Variants in VEPH1 observed in about 807,000 individuals in gnomAD.
VEPH1 encodes ventricular zone expressed PH domain containing 1, also known as ventricular zone-expressed PH domain-containing protein homolog 1.
Under a neutral mutation model 85.2 loss-of-function variants are expected in VEPH1, and 80 were observed. The ratio of observed to expected loss-of-function variants is 0.94; its 90% CI spans 0.78 to 1.13. The LOEUF is 1.13. Ranked by LOEUF, VEPH1 falls within the 50% of genes most tolerant of loss-of-function variation. VEPH1 has a pLI of 0.00. For missense variants in VEPH1, 955 were observed against 980.5 expected (o/e 0.97, Z 0.35); for synonymous variants, 297 against 348.0 (o/e 0.85, Z 1.63).
At chr3:157,439,544 G>T (rs1220339391) in intron 4 of VEPH1, among the ~76,000 whole-genome samples, 1 of 152,056 alleles carries the variant, frequency 6.6e-6, no homozygotes, top group Non-Finnish European at 1.5e-5. Context: ...TCGTTTTTGG[G>T]TATCCCTGGT....
Position 157,413,980 on chromosome 3 carries a change from C to G in VEPH1, c.807G>C (p.Leu269Phe), listed in dbSNP as rs1397273687. 4 of 1,613,578 alleles carry G rather than the reference C, an allele frequency of 2.5e-6. No homozygotes were observed. The African/African-American group carries it at 5.3e-5, about 22-fold the overall frequency. The stretch of plus-strand genomic sequence containing the variant: ...CTTTCAGCATTGGAAGAAAACTGTT[C>G]AAAGCCACTGGCTCATAGACTGCTA... ...IEIAVYEPVA[L>F]NSFLPMLKEI... The change falls in exon 6 of 14, where the codon TTG becomes TTC. Residue 269 changes from leucine to phenylalanine, a missense_variant. Physicochemically the swap from Leu to Phe is conservative, Grantham distance 22. Transcript: ENST00000362010.
chr3:157,458,944 T>A (rs1035934804), intron 4 of VEPH1, among the ~76,000 whole-genome samples: 4 of 152,202 alleles, frequency 2.6e-5, no homozygotes, highest in African/African-American at 9.7e-5. Context: ...GGTGTGCAGC[T>A]TTATTTCTGG....
intron 5 of VEPH1, among the ~76,000 whole-genome samples, chr3:157,425,779 GT>G (rs1364092953): frequency 6.6e-6 from 1 of 152,192 alleles, no homozygotes; most frequent in East Asian, 1.9e-4. Context: ...GGCATGGTTG[GT>G]TTTGAAATGT....
chr3:157,261,063 C>A lies in VEPH1; in HGVS notation c.*71G>T. The A allele has an allele frequency of 1.3e-6, 2 of 1,564,924 alleles. No homozygotes were observed. The highest frequency in any genetic ancestry group is 8.7e-7 in the Non-Finnish European group (1 of 1,155,562). Reference sequence around the variant, plus strand: ...ACAACATGGCTTGGTAAATTTAGCTCTTTTTCTTGACATTGGCAATGATAA... The same window carrying A: ...ACAACATGGCTTGGTAAATTTAGCTATTTTTCTTGACATTGGCAATGATAA... On this transcript the variant is annotated 3_prime_UTR_variant, in exon 14 of 14. Coordinates refer to ENST00000362010, the MANE Select transcript of VEPH1 (RefSeq NM_001167912.2).
intron 6 of VEPH1, among the ~76,000 whole-genome samples, chr3:157,394,589 G>T (rs538567899): frequency 6.6e-6 from 1 of 152,276 alleles, no homozygotes; most frequent in Non-Finnish European, 1.5e-5. Flanking sequence ...TCTGCAATCT[G>T]CTTCTGTGGG....
intron 6 of VEPH1, among the ~76,000 whole-genome samples, chr3:157,397,783 CCAAACCATTGG>C (rs1730526196): frequency 6.6e-6 from 1 of 152,192 alleles, no homozygotes; most frequent in South Asian, 2.1e-4. Context: ...GATCATCCAG[CCAAACCATTGG>C]CTACAGCCCA....
At chr3:157,364,109 C>A (rs777817910) in intron 8 of VEPH1, among the ~76,000 whole-genome samples, 194 bp downstream of exon 8, 1 of 152,100 alleles carries the variant, frequency 6.6e-6, no homozygotes, top group African/African-American at 2.4e-5. Flanking sequence ...GTTTTCCATT[C>A]ATAGTACCCA....
At chr3:157,330,286 C>G (rs1389834641) in intron 9 of VEPH1, among the ~76,000 whole-genome samples, 1 of 152,166 alleles carries the variant, frequency 6.6e-6, no homozygotes. Context: ...GAAAGGGAAT[C>G]TGGAAATTAG....
chr3:157,281,426 T>A (rs950420310), intron 12 of VEPH1, among the ~76,000 whole-genome samples: 6 of 152,222 alleles, frequency 3.9e-5, no homozygotes, highest in Non-Finnish European at 8.8e-5. Context: ...AGCATTCCGT[T>A]GTTTTTGGTG....
At chr3:157,317,970 T>C (rs933366534) in intron 9 of VEPH1, among the ~76,000 whole-genome samples, 1 of 152,246 alleles carries the variant, frequency 6.6e-6, no homozygotes, top group African/African-American at 2.4e-5. Context: ...TGGGTATTAT[T>C]TCTGTTATAA....
intron 11 of VEPH1, among the ~76,000 whole-genome samples, chr3:157,304,021 T>TATATATATATATATATATATATATATA (rs1559939923): frequency 1.2e-5 from 1 of 83,988 alleles, no homozygotes; most frequent in Non-Finnish European, 2.4e-5. Context: ...ATCTTATATT[T>TATATATATATATATATATATATATATA]TTTATATATA....
chr3:157,498,653 G>C (rs181520532), intron 1 of VEPH1, among the ~76,000 whole-genome samples: 34 of 152,288 alleles, frequency 2.2e-4, no homozygotes, highest in African/African-American at 7.2e-4. Context: ...CATCCAATGA[G>C]TACCTCCACA....
chr3:157,441,061 G>C (rs1734080766), intron 4 of VEPH1, among the ~76,000 whole-genome samples: 1 of 152,176 alleles, frequency 6.6e-6, no homozygotes. Flanking sequence ...GAATGGAAGG[G>C]CCTTTTTTAG....
intron 2 of VEPH1, among the ~76,000 whole-genome samples, chr3:157,481,890 C>T (rs1325792563): frequency 1.3e-5 from 2 of 149,160 alleles, no homozygotes; most frequent in Non-Finnish European, 3.0e-5. Context: ...CAAAACATTG[C>T]TAAGTTTTTG....
chr3:157,387,238 C>T (rs903084180), intron 6 of VEPH1, among the ~76,000 whole-genome samples: 2 of 152,128 alleles, frequency 1.3e-5, no homozygotes, highest in African/African-American at 2.4e-5. Context: ...CATAAAGGTG[C>T]TCTGCTATCC....
At position 157,414,048 on chromosome 3, in the gene VEPH1, C is replaced by T. The variant is rs1242970859; in HGVS notation, c.739G>A (p.Asp247Asn). The stretch of plus-strand genomic sequence containing the variant: ...AGGATGATGTCATTATGGGTTGAAT[C>T]CTTCAAATGCCCAATTAGGAAAGGA... ...CIPFLIGHLK[D>N]STHNDIILNI... Residue 247 changes from aspartate to asparagine, a missense_variant, in exon 6 of 14, where the codon GAT becomes AAT. By Grantham distance (23) the Asp-to-Asn change is conservative (BLOSUM62 1). Coordinates refer to ENST00000362010, the MANE Select transcript of VEPH1 (RefSeq NM_001167912.2). The T allele has an allele frequency of 3.7e-6, 6 of 1,612,868 alleles. No homozygotes were observed. The highest frequency in any genetic ancestry group is 5.1e-6 in the Non-Finnish European group (6 of 1,179,552).
At position 157,286,558 on chromosome 3, in the gene VEPH1, A is replaced by G. The variant is rs780397218; in HGVS notation, c.2127T>C (p.Thr709=). The part of the protein sequence containing the change: ...CFMCNNPEKA[T]VVNQDGQPLI... ...TAGCAGCAGGTAAGGGTCTCTCACC[A>G]GTTGCTTTCTCAGGATTGTTGCACA... The change falls in exon 12 of 14, where the codon ACT becomes ACC. Residue 709 remains threonine, a splice_region_variant and synonymous_variant. Coordinates refer to ENST00000362010, the MANE Select transcript of VEPH1 (RefSeq NM_001167912.2). 1.2e-6 allele frequency: 2 copies of G among 1,612,578 alleles called. No individual in the cohort carries two copies. Among genetic ancestry groups the G allele is most frequent in the South Asian group, 2.2e-5 (2 of 91,048 alleles).
At chr3:157,334,919 CCTGATTCTGCCTTCTA>C (rs1559968232) in intron 9 of VEPH1, among the ~76,000 whole-genome samples, 1 of 152,142 alleles carries the variant, frequency 6.6e-6, no homozygotes, top group African/African-American at 2.4e-5. Flanking sequence ...AGGGCCAAGT[CCTGATTCTGCCTTCTA>C]CTGGCCATAT....
intron 12 of VEPH1, among the ~76,000 whole-genome samples, chr3:157,279,909 G>A (rs1444078338): frequency 2.6e-5 from 4 of 151,702 alleles, no homozygotes; most frequent in African/African-American, 4.8e-5. Context: ...CCAGCTACTC[G>A]GGAGGCTGAG....
Sources: gnomAD v4.1 joint callset for allele counts (sites outside exome capture counted in the v4.1 genomes callset) on GRCh38, gnomAD v4.1.1 for gene constraint, MANE v1.5 for transcripts, NCBI Gene and HGNC (gene_info 2026-07-23, HGNC 2026-07-21) for gene names.